The following CHSY1 variants were observed in gnomAD, a reference collection of about 807,000 sequenced individuals.
The protein encoded by CHSY1 is chondroitin sulfate synthase 1.
In CHSY1, 13 loss-of-function variants were observed where a neutral mutation model predicts 59.8. That is an observed-to-expected ratio of 0.22 (90% CI 0.14 to 0.35). The LOEUF is 0.35. Ranked by LOEUF, CHSY1 falls within the 10% of genes least tolerant of loss-of-function variation. The probability of loss-of-function intolerance (pLI) is 1.00; values close to 1 mark genes in which losing one functional copy is unlikely to be tolerated. For synonymous variants in CHSY1, 459 were observed against 401.2 expected, an observed-to-expected ratio of 1.14 and a Z score of -1.72; for missense variants, 947 against 1,030.6, an observed-to-expected ratio of 0.92 and a Z score of 1.11.
In CHSY1 at chr15:101,216,203, A is replaced by G. The variant is rs576029372; in HGVS notation, c.816+18879T>C. ...TAAAACAAAAATGAGACACCGCTAT[A>G]TAACTATTAGAATGGTTAAAATCCA... is the stretch of plus-strand genomic sequence containing the variant. On this transcript the variant is annotated intron_variant, in intron 2 of 2. Coordinates refer to ENST00000254190, the MANE Select transcript of CHSY1 (RefSeq NM_014918.5). 9.9e-5 allele frequency among the ~76,000 whole-genome samples: 14 copies of G among 140,758 alleles called. No individual in the cohort carries two copies. In the South Asian group the frequency reaches 2.6e-3, roughly 26 times the overall value. 92.3% of individuals were successfully genotyped at this position (140,758 alleles called of 152,430 possible).
Position 101,251,435 on chromosome 15 carries a change from C to A in CHSY1, c.22G>T (p.Ala8Ser), listed in dbSNP as rs1278661526. 5 of 1,074,500 alleles carry A rather than the reference C, an allele frequency of 4.7e-6. No individual in the cohort carries two copies. In the African/African-American group the frequency reaches 5.2e-5, roughly 11 times the overall value. The allele number at this position is 1,074,500 out of a possible 1,614,324, so 66.6% of individuals were successfully genotyped here. A position where few individuals can be genotyped will look rare whatever the true frequency, so the allele number is the denominator to read the frequency against. ...AGCCCGAGCAGCACGCTGAGCCAGGCGCGCCGGCCGCGCGCGGCCATGCCC... is the reference window on the plus strand; with the variant it reads ...AGCCCGAGCAGCACGCTGAGCCAGGAGCGCCGGCCGCGCGCGGCCATGCCC... MAARGRRAWLSVLLGLVL... is the reference protein window; with the variant it reads MAARGRRSWLSVLLGLVL... Residue 8 changes from alanine (A) to serine (S), a missense_variant, in exon 1 of 3, where the codon GCC becomes TCC. Transcript: ENST00000254190.
At chr15:101,220,666 C>A (rs1459120286) in intron 2 of CHSY1, among the ~76,000 whole-genome samples, 1 of 152,218 alleles carries the variant, frequency 6.6e-6, no homozygotes, top group African/African-American at 2.4e-5. Flanking sequence ...TCTGCCCCAA[C>A]TCTCAGGGCC....
At chr15:101,198,620 G>A (rs1343735246) in intron 2 of CHSY1, among the ~76,000 whole-genome samples, 1 of 152,144 alleles carries the variant, frequency 6.6e-6, no homozygotes, top group African/African-American at 2.4e-5. Flanking sequence ...CCATCTCACT[G>A]CGGAGAAAGC....
chr15:101,217,694 T>C (rs1483245747), intron 2 of CHSY1, among the ~76,000 whole-genome samples: 3 of 152,148 alleles, frequency 2.0e-5, no homozygotes, highest in Non-Finnish European at 2.9e-5. Context: ...AATAAAAGCG[T>C]ATATAATCCA....
At chr15:101,247,077 C>T (rs770808594) in intron 1 of CHSY1, among the ~76,000 whole-genome samples, 27 of 152,298 alleles carry the variant, frequency 1.8e-4, no homozygotes, top group Admixed American at 3.9e-4. Context: ...TACAGAACCC[C>T]AGCTACCCAC....
intron 2 of CHSY1, among the ~76,000 whole-genome samples, chr15:101,214,905 A>G (rs1356926616): frequency 3.3e-5 from 5 of 151,646 alleles, no homozygotes. Flanking sequence ...ATGGAGGTGG[A>G]TTTCTCATGC....
In CHSY1 at chr15:101,208,394, TCAAA is replaced by T. The variant is rs989035360; in HGVS notation, c.816+26684_816+26687del. Among the ~76,000 whole-genome samples, 9 of 150,556 alleles carry T rather than the reference TCAAA, an allele frequency of 6.0e-5. No individual in the cohort carries two copies. In the South Asian group the frequency reaches 6.4e-4, roughly 11 times the overall value. ...TCTTAGTATGCCAGAAAGAAATTGC[TCAAA>T]CAGTTATAGGGGCATATCAAAAAGA... On this transcript the variant is annotated intron_variant, in intron 2 of 2. Transcript: ENST00000254190.
intron 2 of CHSY1, among the ~76,000 whole-genome samples, chr15:101,182,903 A>C (rs552950056): frequency 6.6e-6 from 1 of 152,372 alleles, no homozygotes; most frequent in East Asian, 1.9e-4. Context: ...GGGAATGATG[A>C]AAATAAAACA....
chr15:101,240,765 T>C (rs1373021590), intron 1 of CHSY1, among the ~76,000 whole-genome samples: 1 of 152,224 alleles, frequency 6.6e-6, no homozygotes, highest in African/African-American at 2.4e-5. Context: ...GAGCGGGATA[T>C]AAATAACTCC....
intron 1 of CHSY1, among the ~76,000 whole-genome samples, chr15:101,249,782 T>C (rs1181937011): frequency 2.0e-5 from 3 of 152,186 alleles, no homozygotes; most frequent in South Asian, 2.1e-4. Flanking sequence ...CCCAAAGTGC[T>C]AGAATTACAG....
intron 1 of CHSY1, among the ~76,000 whole-genome samples, chr15:101,245,614 T>C (rs2039042587): frequency 6.6e-6 from 1 of 152,132 alleles, no homozygotes; most frequent in African/African-American, 2.4e-5. Flanking sequence ...GCCGGTGCAA[T>C]GGAAACAGTC....
At chr15:101,234,961 GAAT>G (rs1344396404) in intron 2 of CHSY1, 118 bp downstream of exon 2, 19 of 1,313,918 alleles carry the variant, frequency 1.4e-5, no homozygotes, top group African/African-American at 7.2e-5. Context: ...TAAAAATGTA[GAAT>G]AATACCAACT....
rs1362213116 is a variant in CHSY1, at chr15:101,251,378, C to G, written c.79G>C (p.Val27Leu). 1 of 1,165,610 alleles carries G rather than the reference C, an allele frequency of 8.6e-7. No homozygotes were observed. The allele number at this position is 1,165,610 out of a possible 1,614,324, so 72.2% of individuals were successfully genotyped here. ...TTCAGCTCGGAAGCCCGGGGCAGGA[C>G]GAGCCGCGAGGCCAGCACGAAGCCC... Reference protein sequence around the residue: ...VLGFVLASRLVLPRASELKRA... With the variant: ...VLGFVLASRLLLPRASELKRA... Residue 27 changes from valine (V) to leucine (L), a missense_variant, in exon 1 of 3, where the codon GTC becomes CTC. Transcript: ENST00000254190.
rs1027877931 is a variant in CHSY1 at position 101,176,603 on chromosome 15, G to T, written c.*785C>A. Reference sequence around the variant, plus strand: ...GCTTTAAAACCTACGTGGCCAGCTGGGCTTGCATGGTGAAACCCCGTCTCT... The same window carrying T: ...GCTTTAAAACCTACGTGGCCAGCTGTGCTTGCATGGTGAAACCCCGTCTCT... On this transcript the variant is annotated 3_prime_UTR_variant, in exon 3 of 3. Transcript: ENST00000254190. 5.1e-6 allele frequency: 2 copies of T among 389,670 alleles called. No individual in the cohort carries two copies. Among genetic ancestry groups the T allele is most frequent in the Non-Finnish European group, 9.0e-6 (2 of 221,004 alleles). The allele number at this position is 389,670 out of a possible 1,614,324, so 24.1% of individuals were successfully genotyped here. A position where few individuals can be genotyped will look rare whatever the true frequency, so the allele number is the denominator to read the frequency against.
chr15:101,179,054 C>T, intron 2 of CHSY1, 74 bp from the exon 3 acceptor site: 1 of 1,438,250 alleles, frequency 7.0e-7, no homozygotes, highest in South Asian at 1.2e-5. Context: ...AAAGAAAATG[C>T]AAATATTAGA....
chr15:101,216,738 G>A (rs2038737234), intron 2 of CHSY1, among the ~76,000 whole-genome samples: 2 of 145,032 alleles, frequency 1.4e-5, no homozygotes, highest in Admixed American at 7.9e-5. Context: ...GAAGGAGGGA[G>A]AAGCACTGAA....
rs773682206 is a variant in CHSY1 at position 101,178,924 on chromosome 15, A to G, written c.873T>C (p.Asp291=). The G allele has an allele frequency of 9.9e-6, 16 of 1,613,810 alleles. No individual in the cohort carries two copies. Among genetic ancestry groups the G allele is most frequent in the Middle Eastern group, 1.6e-4 (1 of 6,082 alleles). ...YEQNKKGYIR[D]LHNSKIHQAI... ...CTTGGTGAATTTTACTGTTATGGAGATCTCTAATGTACCCCTTTTTGTTCT... is the reference window on the plus strand; with the variant it reads ...CTTGGTGAATTTTACTGTTATGGAGGTCTCTAATGTACCCCTTTTTGTTCT... The change falls in exon 3 of 3, where the codon GAT becomes GAC. Residue 291 remains aspartate (D), a synonymous_variant. Coordinates refer to ENST00000254190, the MANE Select transcript of CHSY1 (RefSeq NM_014918.5).
chr15:101,235,274 T>C lies in CHSY1; in HGVS notation c.624A>G (p.Gly208=). Residue 208 remains glycine, a synonymous_variant, in exon 2 of 3, where the codon GGA becomes GGG. Coordinates refer to ENST00000254190, the MANE Select transcript of CHSY1 (RefSeq NM_014918.5). ...TCTCACCAGGCTCCAGGGCCAGTTT[T>C]CCCATTTCTTCCGTGGTGCCCAGGC... The part of the protein sequence containing the change: ...QTGLGTTEEM[G]KLALEPGENF... The C allele has an allele frequency of 6.2e-7, 1 of 1,614,130 alleles. No individual in the cohort carries two copies. Among genetic ancestry groups the C allele is most frequent in the Non-Finnish European group, 8.5e-7 (1 of 1,180,014 alleles).
chr15:101,208,303 C>G (rs1251757488), intron 2 of CHSY1, among the ~76,000 whole-genome samples: 3 of 152,086 alleles, frequency 2.0e-5, no homozygotes, highest in Non-Finnish European at 4.4e-5. Flanking sequence ...CTAAAAAGAA[C>G]CAGAGACTCT....
Sources: allele counts gnomAD v4.1 joint callset (sites outside exome capture counted in the v4.1 genomes callset), GRCh38; gene constraint gnomAD v4.1.1; transcripts MANE v1.5; gene names NCBI Gene and HGNC (gene_info 2026-07-23, HGNC 2026-07-21).